Variants in PPP2R2B observed in about 807,000 individuals in gnomAD.
PPP2R2B encodes protein phosphatase 2 regulatory subunit Bbeta.
PPP2R2B carries 5 observed loss-of-function variants against 46.0 expected under a neutral mutation model. The observed-to-expected ratio is 0.11, with a 90% CI of 0.06 to 0.23. The LOEUF is 0.23. PPP2R2B is among the 10% of genes least tolerant of loss of function. PPP2R2B has a pLI of 1.00. For missense variants in PPP2R2B, 367 were observed against 575.0 expected, an observed-to-expected ratio of 0.64 and a Z score of 3.70; for synonymous variants, 215 against 206.7, an observed-to-expected ratio of 1.04 and a Z score of -0.34.
chr5:146,672,606 C>T (rs182485039), intron 5 of PPP2R2B, among the ~76,000 whole-genome samples: 5 of 152,268 alleles, frequency 3.3e-5, no homozygotes, highest in Non-Finnish European at 7.4e-5. Context: ...CAGAAAACTG[C>T]TTGCAGAAAC....
chr5:146,814,825 A>G (rs1757831349), intron 2 of PPP2R2B, among the ~76,000 whole-genome samples: 1 of 152,224 alleles, frequency 6.6e-6, no homozygotes. Flanking sequence ...ACCCCAAGTC[A>G]AAAGTCAAAC....
At position 146,580,879 on chromosome 5, in the gene PPP2R2B, G is replaced by A. The variant is rs190870682; in HGVS notation, c.*9068C>T. Among the ~76,000 whole-genome samples, 14 of 152,250 alleles carry A rather than the reference G, an allele frequency of 9.2e-5. No individual in the cohort carries two copies. The highest frequency in any genetic ancestry group is 2.0e-4 in the Admixed American group (3 of 15,292). On this transcript the variant is annotated 3_prime_UTR_variant, in exon 10 of 10. Transcript: ENST00000394411. Reference sequence around the variant, plus strand: ...ACAATGGAGTTAATGAATCAACCCCGTGCTGGTCAAAGTGAAGAGCTTCTT... The same window carrying A: ...ACAATGGAGTTAATGAATCAACCCCATGCTGGTCAAAGTGAAGAGCTTCTT...
At chr5:146,877,859 G>A in intron 2 of PPP2R2B, 143 bp downstream of exon 2, 1 of 968,780 alleles carries the variant, frequency 1.0e-6, no homozygotes, top group Non-Finnish European at 1.5e-6. Flanking sequence ...GGTGCACTGG[G>A]GCTGCCGGGG....
At chr5:146,794,142 T>C (rs536810677) in intron 2 of PPP2R2B, among the ~76,000 whole-genome samples, 1 of 152,342 alleles carries the variant, frequency 6.6e-6, no homozygotes, top group Admixed American at 6.5e-5. Context: ...ACAAGTAGGA[T>C]TGTGACTGAA....
At chr5:146,626,193 G>A (rs1397417309) in intron 7 of PPP2R2B, among the ~76,000 whole-genome samples, 1 of 151,454 alleles carries the variant, frequency 6.6e-6, no homozygotes, top group African/African-American at 2.4e-5. Flanking sequence ...AGAGAAAGAG[G>A]TGAACTTTGA....
intron 5 of PPP2R2B, among the ~76,000 whole-genome samples, chr5:146,671,669 A>G (rs2151122107): frequency 6.6e-6 from 1 of 152,350 alleles, no homozygotes; most frequent in Admixed American, 6.5e-5. Flanking sequence ...CTCAGATGAG[A>G]AAACTGAGGC....
intron 2 of PPP2R2B, among the ~76,000 whole-genome samples, chr5:146,702,760 C>T (rs1229370397): frequency 6.6e-6 from 1 of 152,220 alleles, no homozygotes; most frequent in African/African-American, 2.4e-5. Context: ...TTTATGACTT[C>T]TAATGTACAG....
intron 1 of PPP2R2B, among the ~76,000 whole-genome samples, chr5:147,032,065 A>G (rs527347106): frequency 5.3e-5 from 8 of 152,346 alleles, no homozygotes; most frequent in African/African-American, 1.9e-4. Flanking sequence ...TAAACTAAAG[A>G]GCTTTTTGTA....
rs140659444 is a variant in PPP2R2B at position 146,838,502 on chromosome 5, C to T, written c.70+39500G>A. Among the ~76,000 whole-genome samples the T allele has an allele frequency of 5.8e-3, 865 of 147,886 alleles. 5 individuals are homozygous for T. The highest frequency in any genetic ancestry group is 8.2e-3 in the Non-Finnish European group (557 of 67,558). ...AGGAGAATCACTTGAACCTGGGAGG[C>T]GGAGATTGCACTGAGCTAAGATTGT... On this transcript the variant is annotated intron_variant, in intron 2 of 9. Coordinates refer to ENST00000394411, the MANE Select transcript of PPP2R2B (RefSeq NM_181675.4).
At chr5:146,777,699 C>T (rs144578373) in intron 2 of PPP2R2B, among the ~76,000 whole-genome samples, 20 of 152,134 alleles carry the variant, frequency 1.3e-4, no homozygotes, top group African/African-American at 4.6e-4. Flanking sequence ...GTAATGGCAC[C>T]ATACTATGAC....
chr5:146,846,883 A>G (rs912848029), intron 2 of PPP2R2B, among the ~76,000 whole-genome samples: 1 of 152,184 alleles, frequency 6.6e-6, no homozygotes, highest in African/African-American at 2.4e-5. Context: ...ATATATTGAG[A>G]GTGAAAAATA....
intron 1 of PPP2R2B, chr5:147,035,056 C>A: frequency 2.2e-6 from 1 of 453,442 alleles, no homozygotes. Flanking sequence ...CTGAACTCAG[C>A]TCATTTAACA....
intron 2 of PPP2R2B, among the ~76,000 whole-genome samples, chr5:146,825,600 G>T (rs1039139286): frequency 5.9e-5 from 9 of 152,156 alleles, no homozygotes; most frequent in Non-Finnish European, 1.2e-4. Context: ...ACTTATGGAT[G>T]GATTGAAATA....
chr5:147,035,179 G>A, intron 1 of PPP2R2B: 1 of 450,402 alleles, frequency 2.2e-6, no homozygotes, highest in South Asian at 1.6e-5. Context: ...AGTTCTGCAT[G>A]GCTGGGGAGG....
At chr5:146,790,316 A>G (rs879859357) in intron 2 of PPP2R2B, among the ~76,000 whole-genome samples, 1 of 152,234 alleles carries the variant, frequency 6.6e-6, no homozygotes, top group Non-Finnish European at 1.5e-5. Context: ...CTTGAAAATC[A>G]TAACAACCAC....
chr5:146,989,124 A>G (rs1753567269), intron 1 of PPP2R2B, among the ~76,000 whole-genome samples: 1 of 152,054 alleles, frequency 6.6e-6, no homozygotes, highest in Non-Finnish European at 1.5e-5. Context: ...TCTCCCATCA[A>G]AGAAAAGTCC....
intron 5 of PPP2R2B, among the ~76,000 whole-genome samples, chr5:146,669,319 G>T (rs1481742898): frequency 2.0e-5 from 3 of 152,102 alleles, no homozygotes; most frequent in Non-Finnish European, 4.4e-5. Flanking sequence ...AGTATGAGAT[G>T]GGGGAGGGGA....
At chr5:146,926,685 G>T (rs931000293) in intron 1 of PPP2R2B, among the ~76,000 whole-genome samples, 1 of 152,074 alleles carries the variant, frequency 6.6e-6, no homozygotes, top group Non-Finnish European at 1.5e-5. Context: ...CTATTTTCAG[G>T]TAGAGGAGCA....
At chr5:146,728,067 T>C (rs182990791) in intron 2 of PPP2R2B, among the ~76,000 whole-genome samples, 2 of 151,586 alleles carry the variant, frequency 1.3e-5, no homozygotes, top group Admixed American at 1.3e-4. Context: ...TAATTTTAAA[T>C]ACCACAAAGT....
Sources: allele counts gnomAD v4.1 joint callset (sites outside exome capture counted in the v4.1 genomes callset), GRCh38; gene constraint gnomAD v4.1.1; transcripts MANE v1.5; gene names NCBI Gene and HGNC (gene_info 2026-07-23, HGNC 2026-07-21).